The following CNTNAP2 variants were observed in gnomAD, a reference collection of about 807,000 sequenced individuals.
CNTNAP2 encodes contactin associated protein 2, also known as contactin-associated protein-like 2.
In CNTNAP2, 98 loss-of-function variants were observed where a neutral mutation model predicts 155.2. That is an observed-to-expected ratio of 0.63 (90% CI 0.54 to 0.75). The LOEUF is 0.75. Ranked by LOEUF, CNTNAP2 falls within the 30% of genes least tolerant of loss-of-function variation. The pLI is 0.00. For missense variants in CNTNAP2, 1,727 were observed against 1,688.1 expected, an observed-to-expected ratio of 1.02 and a Z score of -0.40; for synonymous variants, 651 against 631.2, an observed-to-expected ratio of 1.03 and a Z score of -0.47.
chr7:148,341,592 C>A (rs1798236760), intron 21 of CNTNAP2, among the ~76,000 whole-genome samples: 1 of 152,114 alleles, frequency 6.6e-6, no homozygotes, highest in Non-Finnish European at 1.5e-5. Context: ...TGTCACTCAC[C>A]TTCTAAGGTG....
At chr7:147,746,783 C>T (rs1797050900) in intron 13 of CNTNAP2, among the ~76,000 whole-genome samples, 1 of 152,136 alleles carries the variant, frequency 6.6e-6, no homozygotes, top group East Asian at 1.9e-4. Flanking sequence ...CTACAAACTG[C>T]TTATAGACCA....
At chr7:147,840,172 G>A (rs1798705944) in intron 13 of CNTNAP2, among the ~76,000 whole-genome samples, 1 of 152,104 alleles carries the variant, frequency 6.6e-6, no homozygotes, top group African/African-American at 2.4e-5. Context: ...AGAAAGGGAG[G>A]AGGGTGGGAA....
chr7:146,243,940 G>A (rs1421476992), intron 1 of CNTNAP2, among the ~76,000 whole-genome samples: 12 of 152,140 alleles, frequency 7.9e-5, no homozygotes, highest in Non-Finnish European at 8.8e-5. Flanking sequence ...GCTGCTTCGA[G>A]CGGGATTAGG....
rs535374551 is a variant in CNTNAP2 at position 146,257,204 on chromosome 7, T to C, written c.97+140231T>C. ...AGTGAAGTCTACCTAATTTCATGAA[T>C]ATAAAGGGGGAGATGAATTATGAGA... On this transcript the variant is annotated intron_variant, in intron 1 of 23. Coordinates refer to ENST00000361727, the MANE Select transcript of CNTNAP2 (RefSeq NM_014141.6). 2.6e-5 allele frequency among the ~76,000 whole-genome samples: 4 copies of C among 152,240 alleles called. No homozygotes were observed. In the East Asian group the frequency reaches 7.7e-4, roughly 29 times the overall value.
intron 1 of CNTNAP2, among the ~76,000 whole-genome samples, chr7:146,344,095 T>C (rs990065082): frequency 3.3e-5 from 5 of 152,172 alleles, no homozygotes; most frequent in African/African-American, 1.2e-4. Context: ...AAAAGCAGTG[T>C]TTTCCTGCTA....
intron 20 of CNTNAP2, among the ~76,000 whole-genome samples, chr7:148,249,745 A>G (rs1002410613): frequency 2.0e-5 from 3 of 152,142 alleles, no homozygotes; most frequent in Admixed American, 2.0e-4. Flanking sequence ...TCACTAGAAC[A>G]TCACTCACTG....
At chr7:146,435,848 T>C (rs758259584) in intron 1 of CNTNAP2, among the ~76,000 whole-genome samples, 3 of 150,080 alleles carry the variant, frequency 2.0e-5, no homozygotes, top group Non-Finnish European at 3.0e-5. Context: ...GGAAATGGAG[T>C]CAATTCTCAA....
chr7:147,281,952 G>C (rs7810641), intron 8 of CNTNAP2, among the ~76,000 whole-genome samples: 118,185 of 151,754 alleles, frequency 0.78, 46,894 homozygotes, highest in African/African-American at 0.94. Context: ...CCTGTGAGCT[G>C]AGATCACCTT....
intron 15 of CNTNAP2, among the ~76,000 whole-genome samples, chr7:148,098,444 GAAAAAAAAAAAAA>G (rs61014019): frequency 1.1e-4 from 6 of 56,406 alleles, no homozygotes; most frequent in Admixed American, 3.5e-4. Context: ...CTCTGTCTCA[GAAAAAAAAAAAAA>G]AAAAAAAAAA....
At chr7:146,643,341 G>A (rs1299288901) in intron 1 of CNTNAP2, among the ~76,000 whole-genome samples, 2 of 152,020 alleles carry the variant, frequency 1.3e-5, no homozygotes, top group East Asian at 3.9e-4. Context: ...TTTGTATAAG[G>A]TGTAAGGAAG....
chr7:147,121,055 C>T lies in CNTNAP2; in HGVS notation c.831C>T (p.His277=). The T allele has an allele frequency of 6.2e-7, 1 of 1,614,086 alleles. No individual in the cohort carries two copies. Among genetic ancestry groups the T allele is most frequent in the Non-Finnish European group, 8.5e-7 (1 of 1,179,988 alleles). ...GTTTGCTGGATGACCACCACTGGCA[C>T]TCTGTGGTCATTGAGCGCCAGGGGC... ...TGSLLDDHHW[H]SVVIERQGRS... The change falls in exon 6 of 24, where the codon CAC becomes CAT. Residue 277 remains histidine, a synonymous_variant. Coordinates refer to ENST00000361727, the MANE Select transcript of CNTNAP2 (RefSeq NM_014141.6).
intron 12 of CNTNAP2, among the ~76,000 whole-genome samples, chr7:147,614,961 T>G (rs1801253476): frequency 6.6e-6 from 1 of 151,672 alleles, no homozygotes; most frequent in African/African-American, 2.4e-5. Context: ...TTTCTAAAAT[T>G]AAGAATTCAA....
At chr7:146,956,404 A>G (rs556567472) in intron 3 of CNTNAP2, among the ~76,000 whole-genome samples, 1 of 152,284 alleles carries the variant, frequency 6.6e-6, no homozygotes, top group Admixed American at 6.5e-5. Context: ...CATCACTTGA[A>G]GTTTCCTCTT....
intron 1 of CNTNAP2, among the ~76,000 whole-genome samples, chr7:146,192,695 A>T (rs1171781712): frequency 6.6e-6 from 1 of 152,058 alleles, no homozygotes; most frequent in Non-Finnish European, 1.5e-5. Flanking sequence ...GACACAGCAA[A>T]ACCATATCAT....
chr7:146,440,227 T>C lies in CNTNAP2; in HGVS notation c.97+323254T>C, dbSNP rs1318082914. Reference sequence around the variant, plus strand: ...CTTTTTGGATTGGTTTTTGAAAACATAGACTTTAGTAGTAAGAAACTTAGT... The same window carrying C: ...CTTTTTGGATTGGTTTTTGAAAACACAGACTTTAGTAGTAAGAAACTTAGT... On this transcript the variant is annotated intron_variant, in intron 1 of 23. Coordinates refer to ENST00000361727, the MANE Select transcript of CNTNAP2 (RefSeq NM_014141.6). Among the ~76,000 whole-genome samples, 6 of 151,640 alleles carry C rather than the reference T, an allele frequency of 4.0e-5. 1 individual carries two copies. The highest frequency in any genetic ancestry group is 1.5e-4 in the African/African-American group (6 of 40,924).
chr7:148,201,272 A>G (rs1795366171), intron 18 of CNTNAP2, among the ~76,000 whole-genome samples: 1 of 152,228 alleles, frequency 6.6e-6, no homozygotes, highest in Non-Finnish European at 1.5e-5. Context: ...TTTGCTAGGA[A>G]GGCAAGAGAA....
chr7:148,221,450 T>C (rs1357364698), intron 19 of CNTNAP2, among the ~76,000 whole-genome samples: 1 of 152,170 alleles, frequency 6.6e-6, no homozygotes, highest in Admixed American at 6.5e-5. Flanking sequence ...CAGGCATCTC[T>C]GGAACTCTCA....
In CNTNAP2 at chr7:148,172,358, T is replaced by C. The variant is rs1384549248; in HGVS notation, c.2890T>C (p.Ser964Pro). The change falls in exon 18 of 24, where the codon TCG (serine) becomes CCG (proline). Residue 964 changes from serine to proline, a missense_variant. Coordinates refer to ENST00000361727, the MANE Select transcript of CNTNAP2 (RefSeq NM_014141.6). The stretch of plus-strand genomic sequence containing the variant: ...CACATCTGGGTTCATATCCGGATGC[T>C]CGGGCCATTGCACCAGCTATGGAAC... ...KVTSGFISGCSGHCTSYGTNC... is the reference protein window; with the variant it reads ...KVTSGFISGCPGHCTSYGTNC... The C allele has an allele frequency of 6.2e-7, 1 of 1,613,990 alleles. No individual in the cohort carries two copies. Among genetic ancestry groups the C allele is most frequent in the East Asian group, 2.2e-5 (1 of 44,884 alleles).
chr7:147,745,181 T>A (rs189813315), intron 13 of CNTNAP2, among the ~76,000 whole-genome samples: 11 of 152,328 alleles, frequency 7.2e-5, no homozygotes, highest in Admixed American at 7.2e-4. Flanking sequence ...TCATTCTGCC[T>A]CTCTGTGACT....
Sources: gnomAD v4.1 joint callset for allele counts (sites outside exome capture counted in the v4.1 genomes callset) on GRCh38, gnomAD v4.1.1 for gene constraint, MANE v1.5 for transcripts, NCBI Gene and HGNC (gene_info 2026-07-23, HGNC 2026-07-21) for gene names.